The following POU2F3 variants were observed in gnomAD, a reference collection of about 807,000 sequenced individuals.
The protein encoded by POU2F3 is POU domain, class 2, transcription factor 3.
Under a neutral mutation model 59.2 loss-of-function variants are expected in POU2F3, and 23 were observed. The ratio of observed to expected loss-of-function variants is 0.39; its 90% CI spans 0.28 to 0.55. The LOEUF is 0.55. Among genes scored for constraint, POU2F3 ranks in the 20% least tolerant of loss-of-function variants. The probability of loss-of-function intolerance (pLI) is 0.66; values close to 1 mark genes in which losing one functional copy is unlikely to be tolerated. For synonymous variants in POU2F3, 190 were observed against 214.6 expected, an observed-to-expected ratio of 0.89 and a Z score of 1.00; for missense variants, 473 against 544.5, an observed-to-expected ratio of 0.87 and a Z score of 1.31.
chr11:120,296,018 G>A (rs757447944), intron 3 of POU2F3, among the ~76,000 whole-genome samples: 10 of 152,180 alleles, frequency 6.6e-5, no homozygotes, highest in East Asian at 1.9e-4. Context: ...GATGGGCCAC[G>A]TCTACCAAAT....
intron 3 of POU2F3, among the ~76,000 whole-genome samples, chr11:120,282,900 G>T (rs1340504493): frequency 1.3e-5 from 2 of 152,222 alleles, no homozygotes; most frequent in Admixed American, 1.3e-4. Flanking sequence ...GGGCTTGGAA[G>T]TGGGTTTTGC....
At position 120,257,802 on chromosome 11, in the gene POU2F3, C is replaced by T. The variant is rs117900665; in HGVS notation, c.97+11285C>T. Among the ~76,000 whole-genome samples the T allele has an allele frequency of 5.6e-4, 86 of 152,298 alleles. 1 individual carries two copies. The highest frequency in any genetic ancestry group is 4.8e-3 in the Admixed American group (74 of 15,292). The stretch of plus-strand genomic sequence containing the variant: ...AACAAGAAATGGACATGGAAGTGTG[C>T]TGCAAAACGAAGGAACAACTGCATT... On this transcript the variant is annotated intron_variant, in intron 2 of 12. Coordinates refer to ENST00000543440, the MANE Select transcript of POU2F3 (RefSeq NM_014352.4).
At chr11:120,294,710 A>AGGCCAT (rs990781165) in intron 3 of POU2F3, among the ~76,000 whole-genome samples, 9 of 152,314 alleles carry the variant, frequency 5.9e-5, no homozygotes, top group Non-Finnish European at 1.0e-4. Context: ...TGTCTGTCAG[A>AGGCCAT]GGCCATGGGA....
At chr11:120,266,411 G>A (rs1939827875) in intron 2 of POU2F3, among the ~76,000 whole-genome samples, 1 of 152,004 alleles carries the variant, frequency 6.6e-6, no homozygotes, top group Admixed American at 6.6e-5. Context: ...ACCCCTGCAG[G>A]TGTAAAGGCT....
intron 3 of POU2F3, among the ~76,000 whole-genome samples, chr11:120,283,997 G>A (rs1940683219): frequency 6.6e-6 from 1 of 152,024 alleles, no homozygotes; most frequent in Non-Finnish European, 1.5e-5. Flanking sequence ...GGCCAACATG[G>A]TAAAACCCCA....
Position 120,252,211 on chromosome 11 carries a change from T to C in POU2F3, c.97+5694T>C, listed in dbSNP as rs1408634385. Among the ~76,000 whole-genome samples, 4 of 149,498 alleles carry C rather than the reference T, an allele frequency of 2.7e-5. No homozygotes were observed. The East Asian group carries it at 5.8e-4, about 22-fold the overall frequency. ...TTACCTCTTGTTCTGCTTTTCTTTT[T>C]TTTTTTTTTTTTTGAGATGGAGTCT... On this transcript the variant is annotated intron_variant, in intron 2 of 12. Transcript: ENST00000543440.
intron 2 of POU2F3, chr11:120,256,573 G>C (rs1939352976): frequency 6.6e-6 from 1 of 152,224 alleles, no homozygotes; most frequent in Admixed American, 6.5e-5. Context: ...ATACTTCAGT[G>C]ACTGTCACCC....
chr11:120,317,396 C>T, intron 12 of POU2F3, 32 bp downstream of exon 12: 2 of 1,612,920 alleles, frequency 1.2e-6, no homozygotes. Flanking sequence ...AGAGACATCC[C>T]AGCAGGGCCA....
chr11:120,239,563 A>G (rs1056171025), upstream of POU2F3, among the ~76,000 whole-genome samples: 2 of 152,156 alleles, frequency 1.3e-5, no homozygotes, highest in Admixed American at 6.5e-5. Context: ...AAACTCTGCT[A>G]ATAATAAACT....
chr11:120,236,690 C>A (rs575118561), upstream of POU2F3: 2 of 1,505,986 alleles, frequency 1.3e-6, no homozygotes, highest in East Asian at 2.4e-5. Flanking sequence ...TCTCCAAGAA[C>A]TGCTAAAGGA....
intron 3 of POU2F3, among the ~76,000 whole-genome samples, chr11:120,269,586 T>C (rs956564050): frequency 6.6e-6 from 1 of 152,100 alleles, no homozygotes; most frequent in African/African-American, 2.4e-5. Flanking sequence ...GAATTGACTG[T>C]GTACAGAGGA....
intron 11 of POU2F3, among the ~76,000 whole-genome samples, chr11:120,316,255 A>G (rs1266373685): frequency 6.6e-6 from 1 of 152,178 alleles, no homozygotes; most frequent in Non-Finnish European, 1.5e-5. Flanking sequence ...ACAGTTTGGG[A>G]AACACAAACA....
At chr11:120,310,154 G>A (rs1941616406) in intron 10 of POU2F3, among the ~76,000 whole-genome samples, 1 of 152,210 alleles carries the variant, frequency 6.6e-6, no homozygotes, top group Admixed American at 6.5e-5. Context: ...AGACCAGCTA[G>A]GAGAATGACA....
At chr11:120,273,878 G>A (rs1370462942) in intron 3 of POU2F3, among the ~76,000 whole-genome samples, 1 of 152,058 alleles carries the variant, frequency 6.6e-6, no homozygotes, top group Non-Finnish European at 1.5e-5. Flanking sequence ...TTAGCTGGGT[G>A]TGGTGGCAGG....
At chr11:120,282,200 C>G (rs868594785) in intron 3 of POU2F3, among the ~76,000 whole-genome samples, 31 of 152,332 alleles carry the variant, frequency 2.0e-4, no homozygotes, top group African/African-American at 7.2e-4. Context: ...CTAAAGCAGT[C>G]ATAAGAAAGC....
At chr11:120,259,250 G>A (rs912084838) in intron 2 of POU2F3, 3 of 152,198 alleles carry the variant, frequency 2.0e-5, no homozygotes, top group Non-Finnish European at 4.4e-5. Context: ...GGGTAGAGAG[G>A]TATGAGCTTT....
chr11:120,288,829 T>TACGCAC (rs1394927038), intron 3 of POU2F3, among the ~76,000 whole-genome samples: 9,802 of 150,014 alleles, frequency 0.065, 454 homozygotes, highest in Admixed American at 0.1. Context: ...ATGTATTACA[T>TACGCAC]ATGTACATGT....
chr11:120,282,431 G>A (rs756928067), intron 3 of POU2F3, among the ~76,000 whole-genome samples: 7 of 152,170 alleles, frequency 4.6e-5, no homozygotes, highest in Non-Finnish European at 7.4e-5. Context: ...TGAGGCTGGC[G>A]GATCACTTGA....
At chr11:120,273,335 A>C (rs930906464) in intron 3 of POU2F3, among the ~76,000 whole-genome samples, 1 of 152,242 alleles carries the variant, frequency 6.6e-6, no homozygotes, top group Non-Finnish European at 1.5e-5. Context: ...GAATTCTGTG[A>C]GAGACATGAG....
Sources: gnomAD v4.1 joint callset for allele counts (sites outside exome capture counted in the v4.1 genomes callset) on GRCh38, gnomAD v4.1.1 for gene constraint, MANE v1.5 for transcripts, NCBI Gene and HGNC (gene_info 2026-07-23, HGNC 2026-07-21) for gene names.